Variants in SORCS2 observed in about 807,000 individuals in gnomAD.
The protein encoded by SORCS2 is VPS10 domain-containing receptor SorCS2.
Under a neutral mutation model 141.6 loss-of-function variants are expected in SORCS2, and 100 were observed. The observed-to-expected ratio is 0.71, with a 90% CI of 0.60 to 0.83. The LOEUF is 0.83. SORCS2 is among the 40% of genes least tolerant of loss of function. The probability of loss-of-function intolerance (pLI) is 0.00; values close to 1 mark genes in which losing one functional copy is unlikely to be tolerated. For synonymous variants in SORCS2, 789 were observed against 676.9 expected (o/e 1.17, Z -2.57); for missense variants, 1,646 against 1,560.2 (o/e 1.05, Z -0.93).
At chr4:7,558,938 C>G (rs574826964) in intron 3 of SORCS2, among the ~76,000 whole-genome samples, 1 of 152,362 alleles carries the variant, frequency 6.6e-6, no homozygotes, top group East Asian at 1.9e-4. Context: ...CCTCCTGTGC[C>G]CTGCCCTGTC....
At chr4:7,525,758 TG>T (rs201037136) in intron 2 of SORCS2, among the ~76,000 whole-genome samples, 164 of 105,054 alleles carry the variant, frequency 1.6e-3, no homozygotes, top group Admixed American at 2.7e-3. Context: ...TGTGCCCTCC[TG>T]CAATCACCTG....
rs79889846 is a variant in SORCS2 at position 7,588,479 on chromosome 4, T to C, written c.649-49849T>C. Among the ~76,000 whole-genome samples the C allele has an allele frequency of 8.1e-3, 1,231 of 152,256 alleles. 20 individuals are homozygous for C. The highest frequency in any genetic ancestry group is 0.028 in the African/African-American group (1,150 of 41,546). The stretch of plus-strand genomic sequence containing the variant: ...ATCTGGGGAACTGGCCTTTGGAGCA[T>C]TGAAGGTCAGGGAAGCCACAGCAGG... On this transcript the variant is annotated intron_variant, in intron 3 of 26. Transcript: ENST00000507866.
intron 2 of SORCS2, among the ~76,000 whole-genome samples, chr4:7,507,591 A>C (rs934520060): frequency 1.3e-5 from 2 of 152,238 alleles, no homozygotes; most frequent in African/African-American, 4.8e-5. Context: ...TATGCTCTAA[A>C]CCAAGTGGCA....
chr4:7,261,268 G>A (rs956077343), intron 1 of SORCS2, among the ~76,000 whole-genome samples: 4 of 152,216 alleles, frequency 2.6e-5, no homozygotes, highest in Admixed American at 6.5e-5. Context: ...TGATTCTCTC[G>A]AGAGAATTTG....
intron 3 of SORCS2, among the ~76,000 whole-genome samples, chr4:7,571,691 G>C (rs1433776129): frequency 6.6e-6 from 1 of 152,112 alleles, no homozygotes; most frequent in Non-Finnish European, 1.5e-5. Flanking sequence ...GAAATTGGGG[G>C]CCTGTGCTAG....
intron 2 of SORCS2, among the ~76,000 whole-genome samples, chr4:7,416,743 CACACTTGTGCGCACACAG>C (rs1725711455): frequency 6.6e-6 from 1 of 152,108 alleles, no homozygotes; most frequent in Admixed American, 6.5e-5. Context: ...CGCATGCACA[CACACTTGTGCGCACACAG>C]ACACATGCAT....
intron 3 of SORCS2, among the ~76,000 whole-genome samples, chr4:7,590,610 T>C (rs1029237486): frequency 2.6e-5 from 4 of 152,168 alleles, no homozygotes; most frequent in Admixed American, 1.3e-4. Context: ...GACGTCTCCA[T>C]TTTTGAGATG....
At position 7,703,219 on chromosome 4, in the gene SORCS2, G is replaced by A. The variant is rs193159880; in HGVS notation, c.1669-61G>A. On this transcript the variant is annotated intron_variant, in intron 12 of 26. Coordinates refer to ENST00000507866, the MANE Select transcript of SORCS2 (RefSeq NM_020777.3). ...CAACCCTCCTCCCAGGAGCCGCTCA[G>A]CCTGGAACAACCTCCGACCTTCTCA... is the stretch of plus-strand genomic sequence containing the variant. 639 of 1,414,630 alleles carry A rather than the reference G, an allele frequency of 4.5e-4. 3 individuals are homozygous for A. In the African/African-American group the frequency reaches 7.9e-3, roughly 17 times the overall value. The allele number at this position is 1,414,630 out of a possible 1,614,324, so 87.6% of individuals were successfully genotyped here. A position where few individuals can be genotyped will look rare whatever the true frequency, so the allele number is the denominator to read the frequency against.
At chr4:7,479,830 C>T (rs887290966) in intron 2 of SORCS2, among the ~76,000 whole-genome samples, 1 of 152,280 alleles carries the variant, frequency 6.6e-6, no homozygotes, top group African/African-American at 2.4e-5. Context: ...CTCTCACTCT[C>T]TGACTCCCCA....
At chr4:7,519,204 G>C (rs1326867382) in intron 2 of SORCS2, among the ~76,000 whole-genome samples, 1 of 152,188 alleles carries the variant, frequency 6.6e-6, no homozygotes, top group Non-Finnish European at 1.5e-5. Context: ...GCATGACCAG[G>C]GAGCTTCCAG....
chr4:7,434,881 C>A (rs1372799240), intron 2 of SORCS2: 1 of 1,557,758 alleles, frequency 6.4e-7, no homozygotes, highest in Non-Finnish European at 8.7e-7. Context: ...ACACAGCATG[C>A]TGCCCAGGGA....
At chr4:7,685,230 G>A (rs534787434) in intron 10 of SORCS2, among the ~76,000 whole-genome samples, 4 of 152,306 alleles carry the variant, frequency 2.6e-5, no homozygotes, top group South Asian at 2.1e-4. Flanking sequence ...AGATAACCTC[G>A]GTGAGATTTA....
At chr4:7,623,433 C>T (rs1719329614) in intron 3 of SORCS2, among the ~76,000 whole-genome samples, 1 of 152,062 alleles carries the variant, frequency 6.6e-6, no homozygotes, top group Admixed American at 6.6e-5. Context: ...GTCTGGTCCT[C>T]CCCCTGCCTC....
chr4:7,265,405 C>T (rs141112215), intron 1 of SORCS2, among the ~76,000 whole-genome samples: 188 of 152,276 alleles, frequency 1.2e-3, no homozygotes, highest in Non-Finnish European at 2.2e-3. Flanking sequence ...GCAGGGGAAT[C>T]GCTTGAACCT....
intron 1 of SORCS2, among the ~76,000 whole-genome samples, chr4:7,231,246 T>C (rs989445294): frequency 2.4e-4 from 37 of 152,212 alleles, no homozygotes; most frequent in African/African-American, 8.0e-4. Flanking sequence ...TCTCTTTTAA[T>C]TGGGGGGAGG....
At chr4:7,258,450 T>A (rs1009484451) in intron 1 of SORCS2, among the ~76,000 whole-genome samples, 1 of 152,248 alleles carries the variant, frequency 6.6e-6, no homozygotes, top group Admixed American at 6.5e-5. Flanking sequence ...TCTAGCTTCA[T>A]CCATGTCCTG....
At chr4:7,627,340 C>G (rs1719578256) in intron 3 of SORCS2, among the ~76,000 whole-genome samples, 6 of 152,162 alleles carry the variant, frequency 3.9e-5, no homozygotes. Flanking sequence ...GGGAGGCGTC[C>G]TGCTGAGAAT....
chr4:7,201,511 T>G lies in SORCS2; in HGVS notation c.480+8385T>G, dbSNP rs115047454. 0.014 allele frequency among the ~76,000 whole-genome samples: 2,144 copies of G among 152,242 alleles called. 46 individuals are homozygous for G. The highest frequency in any genetic ancestry group is 0.049 in the African/African-American group (2,032 of 41,526). On this transcript the variant is annotated intron_variant, in intron 1 of 26. Transcript: ENST00000507866. The surrounding 1 kb of genome is among the most constrained non-coding windows in gnomAD (Gnocchi z 4.4). ...GCCTCTCGGCGTAGCCGTTACTTTA[T>G]TTTATGGTGATTTTTCAGAGTCAGG... is the stretch of plus-strand genomic sequence containing the variant.
intron 1 of SORCS2, among the ~76,000 whole-genome samples, chr4:7,373,808 C>G (rs968985085): frequency 7.9e-5 from 12 of 151,990 alleles, no homozygotes; most frequent in African/African-American, 2.9e-4. Flanking sequence ...TATATTCTGA[C>G]TGCAAATCCA....
Sources: allele counts gnomAD v4.1 joint callset (sites outside exome capture counted in the v4.1 genomes callset), GRCh38; gene constraint gnomAD v4.1.1; non-coding constraint Gnocchi (gnomAD v3.1); transcripts MANE v1.5; gene names NCBI Gene and HGNC (gene_info 2026-07-23, HGNC 2026-07-21).